The following MSRA variants were observed in gnomAD, a reference collection of about 807,000 sequenced individuals.
MSRA encodes mitochondrial peptide methionine sulfoxide reductase.
A neutral mutation model predicts 31.3 loss-of-function variants in MSRA; 54 were observed. The observed-to-expected ratio is 1.73, with a 90% CI of 1.39 to 2.17. The LOEUF (loss-of-function observed/expected upper bound fraction) is 2.17. Among genes scored for constraint, MSRA ranks in the 30% most tolerant of loss-of-function variants. The pLI is 0.00. For synonymous variants in MSRA, 169 were observed against 116.5 expected (o/e 1.45, Z -2.90); for missense variants, 507 against 300.9 (o/e 1.69, Z -5.07).
chr8:10,220,405 C>T (rs536239541), intron 2 of MSRA, among the ~76,000 whole-genome samples: 2 of 152,138 alleles, frequency 1.3e-5, no homozygotes, highest in Non-Finnish European at 2.9e-5. Context: ...GTAGACATTA[C>T]CATGAAGAAA....
chr8:10,271,277 A>G (rs1194009868), intron 3 of MSRA, among the ~76,000 whole-genome samples: 1 of 152,128 alleles, frequency 6.6e-6, no homozygotes, highest in Non-Finnish European at 1.5e-5. Context: ...GATACCTACC[A>G]TGGGGAAGCA....
intron 3 of MSRA, among the ~76,000 whole-genome samples, chr8:10,298,191 CA>C (rs1430082953): frequency 6.6e-6 from 1 of 152,180 alleles, no homozygotes; most frequent in Non-Finnish European, 1.5e-5. Context: ...TTCACAGTAG[CA>C]TTGTTTGCAG....
At chr8:10,325,663 G>A (rs577637051) in intron 5 of MSRA, among the ~76,000 whole-genome samples, 47 of 152,306 alleles carry the variant, frequency 3.1e-4, no homozygotes, top group African/African-American at 1.1e-3. Context: ...GAGAGGTGAT[G>A]TTATCAGCTT....
rs113833090 is a variant in MSRA at position 10,094,808 on chromosome 8, C to T, written c.142+40150C>T. 1.7e-3 allele frequency among the ~76,000 whole-genome samples: 255 copies of T among 152,274 alleles called. 1 individual carries two copies. The highest frequency in any genetic ancestry group is 5.7e-3 in the African/African-American group (237 of 41,560). ...ATTTATGCTTATTATATTGTATTAA[C>T]ATGAATTAAGTAAACAAGTGACTAT... On this transcript the variant is annotated intron_variant, in intron 1 of 5. Coordinates refer to ENST00000317173, the MANE Select transcript of MSRA (RefSeq NM_012331.5).
At chr8:10,288,204 G>A (rs1800039835) in intron 3 of MSRA, among the ~76,000 whole-genome samples, 3 of 152,026 alleles carry the variant, frequency 2.0e-5, no homozygotes, top group South Asian at 2.1e-4. Context: ...CGCCCTAAGC[G>A]GCCTTTTTAG....
intron 1 of MSRA, among the ~76,000 whole-genome samples, chr8:10,101,713 G>A (rs1355568392): frequency 6.6e-6 from 1 of 152,170 alleles, no homozygotes; most frequent in African/African-American, 2.4e-5. Flanking sequence ...GCATGTGTCA[G>A]AATTTCCTTC....
chr8:10,095,937 T>C lies in MSRA; in HGVS notation c.142+41279T>C, dbSNP rs1036684563. ...TAATATAGAAGATGGCAAGGCAAAT[T>C]TCTAATTAGAGGGAATATTAATTTT... On this transcript the variant is annotated intron_variant, in intron 1 of 5. Transcript: ENST00000317173. The C allele has an allele frequency of 3.7e-6, 5 of 1,340,190 alleles. No individual in the cohort carries two copies. The African/African-American group carries it at 6.0e-5, about 16-fold the overall frequency. The allele number at this position is 1,340,190 out of a possible 1,614,324, so 83.0% of individuals were successfully genotyped here. A position where few individuals can be genotyped will look rare whatever the true frequency, so the allele number is the denominator to read the frequency against.
intron 4 of MSRA, among the ~76,000 whole-genome samples, chr8:10,311,822 T>C (rs915298801): frequency 1.3e-4 from 19 of 151,834 alleles, no homozygotes; most frequent in African/African-American, 4.4e-4. Flanking sequence ...GAGTTTGAGG[T>C]GGGAGGGGTG....
chr8:10,134,351 T>G (rs537862828), intron 1 of MSRA, among the ~76,000 whole-genome samples: 1 of 152,302 alleles, frequency 6.6e-6, no homozygotes, highest in African/African-American at 2.4e-5. Flanking sequence ...GCACAACACT[T>G]GACATTCTCA....
rs751421644 is a variant in MSRA, at chr8:10,301,566, G to C, written c.364G>C (p.Val122Leu). The C allele has an allele frequency of 3.1e-6, 5 of 1,614,036 alleles. No homozygotes were observed. The highest frequency in any genetic ancestry group is 4.2e-6 in the Non-Finnish European group (5 of 1,180,002). The change falls in exon 4 of 6, where the codon GTG (valine) becomes CTG (leucine). Residue 122 changes from valine (V) to leucine (L), a missense_variant. Val to Leu is a conservative substitution (Grantham distance 32). Coordinates refer to ENST00000317173, the MANE Select transcript of MSRA (RefSeq NM_012331.5). ...TGGCCATGCAGAAGTCGTCCGAGTG[G>C]TGTACCAGCCAGAACACATGAGTTT... ...KTGHAEVVRV[V>L]YQPEHMSFEE...
chr8:10,082,684 A>G (rs1585109663), intron 1 of MSRA, among the ~76,000 whole-genome samples: 1 of 152,194 alleles, frequency 6.6e-6, no homozygotes, highest in South Asian at 2.1e-4. Context: ...GGCAAGAGGA[A>G]GTGGTGACCG....
At chr8:10,056,968 T>C (rs888936320) in intron 1 of MSRA, among the ~76,000 whole-genome samples, 1 of 152,196 alleles carries the variant, frequency 6.6e-6, no homozygotes, top group Non-Finnish European at 1.5e-5. Context: ...TACCAAATAC[T>C]TGAGGTGTTA....
At chr8:10,058,755 T>C (rs959652498) in intron 1 of MSRA, among the ~76,000 whole-genome samples, 1 of 152,234 alleles carries the variant, frequency 6.6e-6, no homozygotes, top group African/African-American at 2.4e-5. Flanking sequence ...CAGTGTGCAC[T>C]GTTAGCAAAA....
At chr8:10,405,344 C>CT (rs1172591050) in intron 5 of MSRA, among the ~76,000 whole-genome samples, 1 of 152,120 alleles carries the variant, frequency 6.6e-6, no homozygotes, top group African/African-American at 2.4e-5. Context: ...GTTTGGGCAG[C>CT]TCATTCCAAA....
chr8:10,335,250 G>GTGT (rs1802962328), intron 5 of MSRA, among the ~76,000 whole-genome samples: 1 of 79,884 alleles, frequency 1.3e-5, no homozygotes, highest in Non-Finnish European at 2.2e-5. Context: ...TCCCAGCTCT[G>GTGT]TTTTTTTTTT....
intron 1 of MSRA, among the ~76,000 whole-genome samples, chr8:10,166,950 G>A (rs1486624021): frequency 1.3e-5 from 2 of 152,180 alleles, no homozygotes; most frequent in South Asian, 4.1e-4. Context: ...CTAGGGTTGA[G>A]AAACAACTGG....
Position 10,311,446 on chromosome 8 carries a change from G to A in MSRA, c.437-8437G>A, listed in dbSNP as rs112026847. On this transcript the variant is annotated intron_variant, in intron 4 of 5. Coordinates refer to ENST00000317173, the MANE Select transcript of MSRA (RefSeq NM_012331.5). ...ACACAATTCCAGCACTTGACCCAGT[G>A]GACATAAGATGCTGTACCCCACACC... Among the ~76,000 whole-genome samples the A allele has an allele frequency of 6.0e-3, 915 of 151,378 alleles. 6 individuals carry two copies. The highest frequency in any genetic ancestry group is 8.2e-3 in the Non-Finnish European group (559 of 67,802).
Position 10,104,181 on chromosome 8 carries a change from T to TG in MSRA, c.142+49524dup, listed in dbSNP as rs1336813458. Reference sequence around the variant, plus strand: ...GTCATGACCCTCCTACACATCTGGGTGATCTCTAGAGGAGGACTTAGAAAT... The same window carrying TG: ...GTCATGACCCTCCTACACATCTGGGTGGATCTCTAGAGGAGGACTTAGAAAT... On this transcript the variant is annotated intron_variant, in intron 1 of 5. Transcript: ENST00000317173. Among the ~76,000 whole-genome samples the TG allele has an allele frequency of 2.6e-5, 4 of 152,208 alleles. 1 individual carries two copies. The highest frequency in any genetic ancestry group is 9.6e-5 in the African/African-American group (4 of 41,452).
Position 10,106,484 on chromosome 8 carries a change from T to A in MSRA, c.142+51826T>A, listed in dbSNP as rs543372991. ...AACTTCAATAAAGAGTATATGAAAATAATGACTGTTGTTTAATTACAAACC... is the reference window on the plus strand; with the variant it reads ...AACTTCAATAAAGAGTATATGAAAAAAATGACTGTTGTTTAATTACAAACC... On this transcript the variant is annotated intron_variant, in intron 1 of 5. Transcript: ENST00000317173. Among the ~76,000 whole-genome samples the A allele has an allele frequency of 1.8e-3, 270 of 152,286 alleles. 1 individual carries two copies. The highest frequency in any genetic ancestry group is 3.1e-3 in the Non-Finnish European group (211 of 68,018).
Sources: allele counts gnomAD v4.1 joint callset (sites outside exome capture counted in the v4.1 genomes callset), GRCh38; gene constraint gnomAD v4.1.1; transcripts MANE v1.5; gene names NCBI Gene and HGNC (gene_info 2026-07-23, HGNC 2026-07-21).